Variants in GNG7 observed in about 807,000 individuals in gnomAD.
The protein encoded by GNG7 is G protein subunit gamma 7, also known as guanine nucleotide-binding protein G(I)/G(S)/G(O) subunit gamma-7.
Under a neutral mutation model 4.0 loss-of-function variants are expected in GNG7, and 1 was observed. The ratio of observed to expected loss-of-function variants is 0.25; its 90% CI spans 0.09 to 1.18. GNG7 has a LOEUF of 1.18. GNG7 is among the 50% of genes most tolerant of loss of function. The probability of loss-of-function intolerance (pLI) is 0.50; values close to 1 mark genes in which losing one functional copy is unlikely to be tolerated. For missense variants in GNG7, 86 were observed against 91.9 expected (o/e 0.94, Z 0.26); for synonymous variants, 34 against 36.9 (o/e 0.92, Z 0.29).
At chr19:2,660,996 G>A (rs1204276860) in intron 1 of GNG7, among the ~76,000 whole-genome samples, 2 of 151,488 alleles carry the variant, frequency 1.3e-5, no homozygotes, top group African/African-American at 4.9e-5. Flanking sequence ...CAGATCACCT[G>A]AGGTTGGGAG....
intron 2 of GNG7, among the ~76,000 whole-genome samples, chr19:2,562,279 T>C (rs904724473): frequency 6.3e-5 from 5 of 79,326 alleles, no homozygotes; most frequent in African/African-American, 1.6e-4. Context: ...TTCTTTTCTT[T>C]CTTTTTCTTT....
Position 2,512,231 on chromosome 19 carries a change from A to G in GNG7, c.*2791T>C. On this transcript the variant is annotated 3_prime_UTR_variant, in exon 5 of 5. Transcript: ENST00000382159. This position sits in a 1 kb window ranked among gnomAD's most constrained non-coding sequence, Gnocchi z 4.7. The stretch of plus-strand genomic sequence containing the variant: ...TGCACGCGCGCTCCTGGAAACGCCC[A>G]TAAAACATGCGTTCACCCCAGGGAT... 2.0e-6 allele frequency: 2 copies of G among 985,880 alleles called. No individual in the cohort carries two copies. The highest frequency in any genetic ancestry group is 2.4e-6 in the Non-Finnish European group (2 of 829,940). The allele number at this position is 985,880 out of a possible 1,614,324, so 61.1% of individuals were successfully genotyped here.
chr19:2,599,458 G>A (rs1367399251), intron 2 of GNG7, among the ~76,000 whole-genome samples: 1 of 152,054 alleles, frequency 6.6e-6, no homozygotes, highest in Non-Finnish European at 1.5e-5. Flanking sequence ...AGGAGGTGGA[G>A]GTGCGGACCT....
rs1555697369 is a variant in GNG7, at chr19:2,606,662, A to AAAAT, written c.-78+39561_-78+39562insATTT. On this transcript the variant is annotated intron_variant, in intron 2 of 4. Transcript: ENST00000382159. ...AAGAGTGAAACTCTGTCTCAAAAAA[A>AAAAT]AATAATTAATTAATTAATTAATTAA... Among the ~76,000 whole-genome samples the AAAAT allele has an allele frequency of 8.6e-5, 8 of 93,466 alleles. No individual in the cohort carries two copies. In the East Asian group the frequency reaches 1.1e-3, roughly 13 times the overall value. The allele number at this position is 93,466 out of a possible 152,430, so 61.3% of individuals were successfully genotyped here. A position where few individuals can be genotyped will look rare whatever the true frequency, so the allele number is the denominator to read the frequency against.
Position 2,609,371 on chromosome 19 carries a change from T to C in GNG7, c.-78+36853A>G, listed in dbSNP as rs1487290069. On this transcript the variant is annotated intron_variant, in intron 2 of 4. Coordinates refer to ENST00000382159, the MANE Select transcript of GNG7 (RefSeq NM_052847.3). This position sits in a 1 kb window ranked among gnomAD's most constrained non-coding sequence, Gnocchi z 4.4. ...TGTTATTTCATCTTGGTCGCTGAGG[T>C]TTTTTAGCGCCCCCTTCAATTTTGT... is the stretch of plus-strand genomic sequence containing the variant. 6.6e-6 allele frequency among the ~76,000 whole-genome samples: 1 copy of C among 152,030 alleles called. No individual in the cohort carries two copies. Among genetic ancestry groups the C allele is most frequent in the Middle Eastern group, 3.4e-3 (1 of 294 alleles).
At chr19:2,518,295 A>G (rs1416573854) in intron 4 of GNG7, among the ~76,000 whole-genome samples, 1 of 152,016 alleles carries the variant, frequency 6.6e-6, no homozygotes, top group Non-Finnish European at 1.5e-5. Flanking sequence ...CCTCAACATC[A>G]AACAGGGCAG....
intron 4 of GNG7, among the ~76,000 whole-genome samples, chr19:2,515,620 G>C (rs571797252): frequency 4.6e-5 from 7 of 152,086 alleles, no homozygotes; most frequent in Non-Finnish European, 7.4e-5. Flanking sequence ...TAGAGACAGG[G>C]TTTCACCATG....
intron 1 of GNG7, among the ~76,000 whole-genome samples, chr19:2,652,652 CATAGAA>C (rs144354356): frequency 0.039 from 5,910 of 151,434 alleles, 206 homozygotes; most frequent in African/African-American, 0.089. Flanking sequence ...CTCCCAAATA[CATAGAA>C]ACAGAAAGCA....
intron 2 of GNG7, among the ~76,000 whole-genome samples, chr19:2,568,447 TACATATACATACAC>T (rs1211852168): frequency 1.8e-4 from 15 of 82,148 alleles, no homozygotes; most frequent in South Asian, 4.7e-4. Flanking sequence ...CATACACACA[TACATATACATACAC>T]ACACACATGC....
At chr19:2,583,087 T>A (rs1306946492) in intron 2 of GNG7, among the ~76,000 whole-genome samples, 3 of 152,156 alleles carry the variant, frequency 2.0e-5, no homozygotes, top group African/African-American at 7.2e-5. Flanking sequence ...ATTACAGGCA[T>A]GAGCCACTAC....
intron 1 of GNG7, among the ~76,000 whole-genome samples, chr19:2,694,362 G>T (rs1398067326): frequency 6.6e-6 from 1 of 152,064 alleles, no homozygotes; most frequent in Non-Finnish European, 1.5e-5. Flanking sequence ...AACCCCAGAT[G>T]ACTGTGGACA....
intron 1 of GNG7, among the ~76,000 whole-genome samples, chr19:2,657,195 C>G (rs1982997297): frequency 6.7e-6 from 1 of 149,244 alleles, no homozygotes; most frequent in South Asian, 2.1e-4. Context: ...TTAGTTGGGT[C>G]TGGTGGTGCA....
intron 2 of GNG7, among the ~76,000 whole-genome samples, chr19:2,572,642 G>A (rs921642430): frequency 1.4e-5 from 2 of 147,610 alleles, no homozygotes; most frequent in Admixed American, 6.8e-5. Flanking sequence ...TGCCCAGGCC[G>A]GACTACAGTG....
chr19:2,651,571 C>G, intron 1 of GNG7, among the ~76,000 whole-genome samples: 1 of 145,340 alleles, frequency 6.9e-6, no homozygotes, highest in East Asian at 2.0e-4. Flanking sequence ...CTCTCTCTCT[C>G]TCTCTTTTTT....
rs1376700054 is a variant in GNG7 at position 2,575,522 on chromosome 19, C to T, written c.-77-20334G>A. On this transcript the variant is annotated intron_variant, in intron 2 of 4. Transcript: ENST00000382159. Reference sequence around the variant, plus strand: ...AGGCACACACAGACATGCAGACACACGCAGGCACACGCAGACAGGCAGGCA... The same window carrying T: ...AGGCACACACAGACATGCAGACACATGCAGGCACACGCAGACAGGCAGGCA... 4.0e-5 allele frequency among the ~76,000 whole-genome samples: 6 copies of T among 149,370 alleles called. No individual in the cohort carries two copies. In the South Asian group the frequency reaches 6.4e-4, roughly 16 times the overall value.
chr19:2,655,111 T>A (rs113096412), intron 1 of GNG7, among the ~76,000 whole-genome samples: 5,872 of 150,450 alleles, frequency 0.039, 207 homozygotes, highest in African/African-American at 0.09. Flanking sequence ...GATTGCTGAG[T>A]CTGGGAGGTC....
At chr19:2,579,532 G>A (rs1049145941) in intron 2 of GNG7, among the ~76,000 whole-genome samples, 2 of 152,244 alleles carry the variant, frequency 1.3e-5, no homozygotes, top group African/African-American at 2.4e-5. Context: ...ATCCTTGAGC[G>A]TTTTCCTCTG....
intron 2 of GNG7, among the ~76,000 whole-genome samples, chr19:2,596,051 A>G (rs1981009637): frequency 6.6e-6 from 1 of 151,928 alleles, no homozygotes; most frequent in Admixed American, 6.6e-5. Context: ...AAGGACCAGA[A>G]GAACTCACAA....
intron 4 of GNG7, among the ~76,000 whole-genome samples, chr19:2,517,441 T>C (rs192892827): frequency 6.6e-6 from 1 of 152,162 alleles, no homozygotes; most frequent in African/African-American, 2.4e-5. Flanking sequence ...CTCGGCTCAC[T>C]GCAACCTCCG....
Sources: gnomAD v4.1 joint callset for allele counts (sites outside exome capture counted in the v4.1 genomes callset) on GRCh38, gnomAD v4.1.1 for gene constraint, Gnocchi (gnomAD v3.1) non-coding constraint, MANE v1.5 for transcripts, NCBI Gene and HGNC (gene_info 2026-07-23, HGNC 2026-07-21) for gene names.